The following TTC23L variants were observed in gnomAD, a reference collection of about 807,000 sequenced individuals.
The protein encoded by TTC23L is tetratricopeptide repeat domain 23 like.
In TTC23L, 42 loss-of-function variants were observed where a neutral mutation model predicts 48.1. That is an observed-to-expected ratio of 0.87 (90% confidence interval 0.68 to 1.13). The LOEUF is 1.13. Among genes scored for constraint, TTC23L ranks in the 50% most tolerant of loss-of-function variants. The pLI, the probability that TTC23L is intolerant of heterozygous loss-of-function variation, is 0.00. For missense variants in TTC23L, 391 were observed against 421.0 expected (o/e 0.93, Z 0.62); for synonymous variants, 159 against 157.2 (o/e 1.01, Z -0.09).
At chr5:34,871,838 A>G (rs1411887944) in intron 8 of TTC23L, among the ~76,000 whole-genome samples, 4 of 152,194 alleles carry the variant, frequency 2.6e-5, no homozygotes, top group African/African-American at 9.6e-5. Flanking sequence ...AAGTAATTCA[A>G]TATGGAAAGG....
intron 3 of TTC23L, among the ~76,000 whole-genome samples, chr5:34,849,809 TTC>T (rs1351048207): frequency 6.6e-6 from 1 of 152,204 alleles, no homozygotes; most frequent in African/African-American, 2.4e-5. Flanking sequence ...ATATTCATTT[TTC>T]ATGCTGTCTG....
downstream of TTC23L, among the ~76,000 whole-genome samples, chr5:34,903,994 T>C (rs574348562): frequency 6.6e-6 from 1 of 152,056 alleles, no homozygotes; most frequent in East Asian, 1.9e-4. Flanking sequence ...TGAGACAGGG[T>C]CCCACTCTCC....
At chr5:34,922,625 T>G in the TTC23L span, 1 of 1,593,732 alleles carries the variant, frequency 6.3e-7, no homozygotes, top group Non-Finnish European at 8.6e-7. Context: ...GATGAGGAAA[T>G]TAAAAGTAAT....
At chr5:34,849,677 C>G (rs372833374) in intron 3 of TTC23L, among the ~76,000 whole-genome samples, 8 of 151,980 alleles carry the variant, frequency 5.3e-5, no homozygotes, top group African/African-American at 1.7e-4. Flanking sequence ...GAGGTATTTA[C>G]GAAATGTTAA....
At chr5:34,851,730 T>C (rs1759690926) in intron 4 of TTC23L, among the ~76,000 whole-genome samples, 1 of 152,220 alleles carries the variant, frequency 6.6e-6, no homozygotes, top group Non-Finnish European at 1.5e-5. Flanking sequence ...AGACTGATTT[T>C]CTCAAAAACT....
chr5:34,918,691 C>G, the TTC23L span: 4 of 411,786 alleles, frequency 9.7e-6, no homozygotes, highest in South Asian at 5.5e-5. Flanking sequence ...AAACAGGTGT[C>G]CTAATATTAT....
intron 9 of TTC23L, among the ~76,000 whole-genome samples, chr5:34,891,086 C>T (rs1414023148): frequency 6.6e-6 from 1 of 152,168 alleles, no homozygotes; most frequent in African/African-American, 2.4e-5. Context: ...AAGGTCTTAG[C>T]AGGTCTTAAA....
At chr5:34,910,026 T>C in the TTC23L span, among the ~76,000 whole-genome samples, 2 of 152,094 alleles carry the variant, frequency 1.3e-5, no homozygotes, top group Non-Finnish European at 2.9e-5. Context: ...ATAATCTCTC[T>C]CTCTGACCCG....
chr5:34,911,460 T>A, the TTC23L span: 1 of 1,442,822 alleles, frequency 6.9e-7, no homozygotes, highest in South Asian at 1.4e-5. Context: ...ACTCTAAAAA[T>A]GTGGATAATA....
chr5:34,915,143 C>T, the TTC23L span, among the ~76,000 whole-genome samples: 4 of 152,204 alleles, frequency 2.6e-5, no homozygotes, highest in Non-Finnish European at 5.9e-5. Flanking sequence ...GTTTCCTCGT[C>T]TCCGTAAGAG....
the TTC23L span, chr5:34,915,761 G>C: frequency 6.2e-7 from 1 of 1,604,008 alleles, no homozygotes; most frequent in African/African-American, 1.3e-5. Flanking sequence ...AAGAGGAAAC[G>C]GCGTGGAGGC....
chr5:34,841,474 A>G (rs62355748), intron 2 of TTC23L, among the ~76,000 whole-genome samples: 54,970 of 152,054 alleles, frequency 0.36, 10,892 homozygotes, highest in South Asian at 0.5. Flanking sequence ...AAGCTAGTAA[A>G]TGGTATTTAA....
the TTC23L span, chr5:34,913,337 C>A: frequency 6.3e-6 from 3 of 475,336 alleles, no homozygotes; most frequent in East Asian, 6.4e-5. Flanking sequence ...AATGTTAGAA[C>A]CCATGACTGT....
At chr5:34,917,942 A>T in the TTC23L span, 1 of 152,916 alleles carries the variant, frequency 6.5e-6, no homozygotes, top group South Asian at 2.1e-4. Flanking sequence ...AGATGTGGTC[A>T]GTGAATGTTG....
intron 3 of TTC23L, among the ~76,000 whole-genome samples, chr5:34,846,946 G>C (rs1279782098): frequency 2.0e-5 from 3 of 152,046 alleles, no homozygotes; most frequent in Non-Finnish European, 4.4e-5. Context: ...AAAGACTTGA[G>C]TCAAAGATCT....
At position 34,840,523 on chromosome 5, in the gene TTC23L, C is replaced by G. The variant is rs542150317; in HGVS notation, c.-7-142C>G. On this transcript the variant is annotated intron_variant, in intron 1 of 10. Coordinates refer to ENST00000505624, the Ensembl canonical transcript of TTC23L. The stretch of plus-strand genomic sequence containing the variant: ...GTCTGTTTTCCAGCGGTCTCCATAT[C>G]TAAGTATGCGTAGTCTGTGGATTTA... 1.0e-4 allele frequency: 70 copies of G among 668,872 alleles called. No individual in the cohort carries two copies. The African/African-American group carries it at 1.1e-3, about 11-fold the overall frequency. The allele number at this position is 668,872 out of a possible 1,614,324, so 41.4% of individuals were successfully genotyped here.
At chr5:34,865,294 T>C (rs1323678111) in intron 6 of TTC23L, among the ~76,000 whole-genome samples, 1 of 152,232 alleles carries the variant, frequency 6.6e-6, no homozygotes, top group Admixed American at 6.5e-5. Flanking sequence ...GGTATATGAC[T>C]GAATAGTAAG....
the TTC23L span, among the ~76,000 whole-genome samples, chr5:34,909,612 T>C: frequency 6.6e-6 from 1 of 152,204 alleles, no homozygotes; most frequent in Non-Finnish European, 1.5e-5. Flanking sequence ...ACCCTAATCC[T>C]ACTCTGAAAA....
At chr5:34,885,773 A>G (rs6868711) in intron 9 of TTC23L, among the ~76,000 whole-genome samples, 14,163 of 151,828 alleles carry the variant, frequency 0.093, 1,152 homozygotes, top group African/African-American at 0.22. Context: ...ACCATTTAGG[A>G]GTAAAGTATC....
Sources: allele counts gnomAD v4.1 joint callset (sites outside exome capture counted in the v4.1 genomes callset), GRCh38; gene constraint gnomAD v4.1.1; transcripts MANE v1.5; gene names NCBI Gene and HGNC (gene_info 2026-07-23, HGNC 2026-07-21).